Variants in ARHGAP28 observed in about 807,000 individuals in gnomAD.
The protein encoded by ARHGAP28 is Rho GTPase activating protein 28, also known as rho GTPase-activating protein 28.
ARHGAP28 carries 56 observed loss-of-function variants against 90.7 expected under a neutral mutation model. That is an observed-to-expected ratio of 0.62 (90% CI 0.50 to 0.77). ARHGAP28 has a LOEUF of 0.77. Ranked by LOEUF, ARHGAP28 falls within the 30% of genes least tolerant of loss-of-function variation. ARHGAP28 has a pLI of 0.00. For synonymous variants in ARHGAP28, 308 were observed against 323.3 expected, an observed-to-expected ratio of 0.95 and a Z score of 0.51; for missense variants, 869 against 900.9, an observed-to-expected ratio of 0.96 and a Z score of 0.45.
chr18:6,898,220 A>C, intron 16 of ARHGAP28: 1 of 358,002 alleles, frequency 2.8e-6, no homozygotes, highest in East Asian at 4.6e-5. Flanking sequence ...ATTACCACTA[A>C]AGGGTGTAGT....
chr18:6,910,264 C>G (rs1392237049), intron 17 of ARHGAP28, among the ~76,000 whole-genome samples: 1 of 152,154 alleles, frequency 6.6e-6, no homozygotes, highest in African/African-American at 2.4e-5. Context: ...TGCTGGAGAC[C>G]CTGTGCCCCT....
intron 3 of ARHGAP28, among the ~76,000 whole-genome samples, chr18:6,845,582 C>A (rs975707537): frequency 6.6e-6 from 1 of 152,156 alleles, no homozygotes; most frequent in Non-Finnish European, 1.5e-5. Context: ...CTCCCCCGAT[C>A]CTGGACAGGC....
At position 6,760,828 on chromosome 18, in the gene ARHGAP28, G is replaced by A. The variant is rs147080397; in HGVS notation, c.122+30885G>A. ...TGGGTCAGTGACTCAATCTCTTCAA[G>A]AGGAGGAAACACAAAAATGGGCCTT... On this transcript the variant is annotated intron_variant, in intron 1 of 17. Transcript: ENST00000383472. Among the ~76,000 whole-genome samples the A allele has an allele frequency of 1.6e-3, 237 of 152,266 alleles. 1 individual carries two copies. The highest frequency in any genetic ancestry group is 5.2e-3 in the African/African-American group (215 of 41,548).
At chr18:6,782,590 GTATTTTTTTTTTTTTTTT>G (rs1567945699) in intron 1 of ARHGAP28, among the ~76,000 whole-genome samples, 16 of 20,924 alleles carry the variant, frequency 7.6e-4, no homozygotes, top group African/African-American at 1.8e-3. Flanking sequence ...GCTAATTTTT[GTATTTTTTTTTTTTTTTT>G]TTTTTTTTTT....
At chr18:6,799,332 G>A (rs2056465045) in intron 1 of ARHGAP28, among the ~76,000 whole-genome samples, 1 of 152,152 alleles carries the variant, frequency 6.6e-6, no homozygotes, top group African/African-American at 2.4e-5. Context: ...TGTAGATTCA[G>A]TGCTATCTTC....
intron 3 of ARHGAP28, among the ~76,000 whole-genome samples, chr18:6,838,141 TTATC>T (rs2056768692): frequency 6.6e-6 from 1 of 152,260 alleles, no homozygotes; most frequent in Non-Finnish European, 1.5e-5. Flanking sequence ...GACAGATGCA[TTATC>T]TGCGCAAGAT....
intron 2 of ARHGAP28, among the ~76,000 whole-genome samples, chr18:6,836,943 C>CA (rs1287416382): frequency 6.6e-6 from 1 of 152,114 alleles, no homozygotes; most frequent in Non-Finnish European, 1.5e-5. Flanking sequence ...AGATATGGCT[C>CA]ATGTTTAACT....
chr18:6,890,865 G>A (rs2057259986), intron 14 of ARHGAP28, among the ~76,000 whole-genome samples: 1 of 152,162 alleles, frequency 6.6e-6, no homozygotes, highest in African/African-American at 2.4e-5. Context: ...CTTGATTTAA[G>A]GGCAATCCAG....
chr18:6,749,328 C>T (rs538019476), intron 1 of ARHGAP28, among the ~76,000 whole-genome samples: 4 of 152,244 alleles, frequency 2.6e-5, no homozygotes, highest in Admixed American at 2.6e-4. Context: ...TACAAATATT[C>T]CTTGGTAGTA....
At chr18:6,734,450 A>T (rs1402708720) in intron 1 of ARHGAP28, among the ~76,000 whole-genome samples, 2 of 152,206 alleles carry the variant, frequency 1.3e-5, no homozygotes, top group South Asian at 4.1e-4. Context: ...CTCTTCCTCG[A>T]AAACAAATAT....
At chr18:6,862,036 T>C (rs1015026606) in intron 5 of ARHGAP28, among the ~76,000 whole-genome samples, 2 of 152,190 alleles carry the variant, frequency 1.3e-5, no homozygotes, top group African/African-American at 4.8e-5. Flanking sequence ...AAAAAATATC[T>C]CACTGGCACT....
At chr18:6,844,106 T>C (rs2056847882) in intron 3 of ARHGAP28, among the ~76,000 whole-genome samples, 1 of 152,170 alleles carries the variant, frequency 6.6e-6, no homozygotes, top group Admixed American at 6.5e-5. Flanking sequence ...ATCTCCAGCT[T>C]CATAATTGAT....
At chr18:6,840,142 G>A (rs1444932915) in intron 3 of ARHGAP28, among the ~76,000 whole-genome samples, 1 of 152,150 alleles carries the variant, frequency 6.6e-6, no homozygotes, top group East Asian at 1.9e-4. Flanking sequence ...TGGGTGATTT[G>A]CTATTACTGT....
Position 6,729,809 on chromosome 18 carries a change from T to G in ARHGAP28, c.-13T>G, listed in dbSNP as rs780321987. On this transcript the variant is annotated 5_prime_UTR_variant, in exon 1 of 18. It removes an upstream start codon present in the reference 5' UTR. Coordinates refer to ENST00000383472, the MANE Select transcript of ARHGAP28 (RefSeq NM_001366230.1). Reference sequence around the variant, plus strand: ...TTGTTCTGGGGCCGGCGCCGAGACATGCGCGGCTGACGATGGAGGTGGAGG... The same window carrying G: ...TTGTTCTGGGGCCGGCGCCGAGACAGGCGCGGCTGACGATGGAGGTGGAGG... 1.1e-5 allele frequency: 15 copies of G among 1,399,762 alleles called. No homozygotes were observed. The East Asian group carries it at 1.5e-4, about 14-fold the overall frequency. The allele number at this position is 1,399,762 out of a possible 1,614,324, so 86.7% of individuals were successfully genotyped here.
At chr18:6,864,305 C>T (rs1223307225) in intron 5 of ARHGAP28, among the ~76,000 whole-genome samples, 1 of 152,096 alleles carries the variant, frequency 6.6e-6, no homozygotes, top group African/African-American at 2.4e-5. Flanking sequence ...ACCTCGTGAT[C>T]CACCTGCCTC....
intron 3 of ARHGAP28, among the ~76,000 whole-genome samples, chr18:6,841,220 T>TC (rs2056823916): frequency 9.1e-6 from 1 of 109,862 alleles, no homozygotes; most frequent in Non-Finnish European, 1.9e-5. Flanking sequence ...TCTCTCTCTC[T>TC]CTCCCCCCAA....
At chr18:6,863,652 A>G (rs993933748) in intron 5 of ARHGAP28, among the ~76,000 whole-genome samples, 7 of 151,868 alleles carry the variant, frequency 4.6e-5, no homozygotes, top group African/African-American at 1.7e-4. Context: ...GGAGCCATTT[A>G]TCGAACTATG....
chr18:6,875,788 G>C (rs1243200537), intron 9 of ARHGAP28, among the ~76,000 whole-genome samples: 1 of 152,128 alleles, frequency 6.6e-6, no homozygotes, highest in East Asian at 1.9e-4. Flanking sequence ...TCTTGTTACT[G>C]ATCAGTCTGC....
intron 16 of ARHGAP28, among the ~76,000 whole-genome samples, chr18:6,900,836 A>G (rs2057334615): frequency 6.6e-6 from 1 of 152,234 alleles, no homozygotes; most frequent in East Asian, 1.9e-4. Context: ...CCCAAATGGG[A>G]TAAACCAAAT....
Sources: allele counts gnomAD v4.1 joint callset (sites outside exome capture counted in the v4.1 genomes callset), GRCh38; gene constraint gnomAD v4.1.1; transcripts MANE v1.5; gene names NCBI Gene and HGNC (gene_info 2026-07-23, HGNC 2026-07-21).